ESRRB: variants seen among roughly 807,000 people sequenced by gnomAD.
The protein encoded by ESRRB is steroid hormone receptor ERR2.
ESRRB carries 16 observed loss-of-function variants against 46.0 expected under a neutral mutation model. That is an observed-to-expected ratio of 0.35 (90% CI 0.24 to 0.53). The LOEUF is 0.53. ESRRB is among the 20% of genes least tolerant of loss of function. ESRRB has a pLI of 0.93. For missense variants in ESRRB, 488 were observed against 607.4 expected, an observed-to-expected ratio of 0.80 and a Z score of 2.07; for synonymous variants, 246 against 259.6, an observed-to-expected ratio of 0.95 and a Z score of 0.50.
intron 3 of ESRRB, among the ~76,000 whole-genome samples, chr14:76,465,096 G>A (rs1889050372): frequency 2.0e-5 from 3 of 152,204 alleles, no homozygotes; most frequent in Admixed American, 2.0e-4. Context: ...GGCACTTAGA[G>A]CAGCCAGAAG....
chr14:76,453,345 C>T (rs1459105269), intron 2 of ESRRB, among the ~76,000 whole-genome samples: 1 of 152,170 alleles, frequency 6.6e-6, no homozygotes, highest in Non-Finnish European at 1.5e-5. Context: ...GTTGTCACTG[C>T]ACTCAAACGC....
intron 1 of ESRRB, among the ~76,000 whole-genome samples, chr14:76,413,100 C>A (rs533983178): frequency 6.6e-6 from 1 of 152,320 alleles, no homozygotes; most frequent in East Asian, 1.9e-4. Flanking sequence ...TGAGCGGTGA[C>A]CACCCTACCC....
intron 1 of ESRRB, among the ~76,000 whole-genome samples, chr14:76,357,561 T>G (rs1884397233): frequency 3.3e-5 from 5 of 152,216 alleles, no homozygotes; most frequent in Admixed American, 3.3e-4. Flanking sequence ...CTGCCTAGAC[T>G]GGAGAGCAGA....
chr14:76,312,038 CTT>C (rs58087201), intron 1 of ESRRB, among the ~76,000 whole-genome samples: 16 of 128,128 alleles, frequency 1.2e-4, no homozygotes, highest in Non-Finnish European at 1.7e-4. Flanking sequence ...TTAAATGTAC[CTT>C]TTTTTTTTTT....
intron 1 of ESRRB, among the ~76,000 whole-genome samples, chr14:76,411,249 A>C (rs922912878): frequency 1.3e-5 from 2 of 151,696 alleles, no homozygotes; most frequent in African/African-American, 2.4e-5. Context: ...GGAGTTCAAG[A>C]CCAGCCTGAT....
At chr14:76,383,069 C>T (rs190186336) in intron 1 of ESRRB, among the ~76,000 whole-genome samples, 6 of 152,170 alleles carry the variant, frequency 3.9e-5, no homozygotes, top group East Asian at 1.9e-4. Context: ...TATTTAAAAT[C>T]GTATCAGAGA....
rs139812473 is a variant in ESRRB, at chr14:76,491,547, C to T, written c.951C>T (p.Asp317=). The T allele has an allele frequency of 3.1e-5, 49 of 1,593,368 alleles. No homozygotes were observed. The highest frequency in any genetic ancestry group is 1.8e-4 in the Middle Eastern group (1 of 5,510). ...LGIVYRSLPY[D]DKLVYAEDYI... ...TCGTGTACCGCTCGCTGCCCTATGA[C>T]GACAAGCTGGTGTACGCTGAGGACT... Residue 317 remains aspartate, a synonymous_variant, in exon 6 of 7, where the codon GAC becomes GAT. Transcript: ENST00000644823.
chr14:76,428,179 G>T (rs564224460), intron 1 of ESRRB, among the ~76,000 whole-genome samples: 1 of 151,958 alleles, frequency 6.6e-6, no homozygotes, highest in African/African-American at 2.4e-5. Flanking sequence ...TGTATTTTTC[G>T]TAGAGACGGG....
chr14:76,485,232 G>A (rs1420814951), intron 5 of ESRRB, among the ~76,000 whole-genome samples: 3 of 122,014 alleles, frequency 2.5e-5, no homozygotes, highest in African/African-American at 8.9e-5. Flanking sequence ...TCAAATGCCT[G>A]ATTTTTTTTT....
At chr14:76,371,727 G>C (rs943287362), upstream of ESRRB, 2 of 152,262 alleles carry the variant, frequency 1.3e-5, no homozygotes, top group African/African-American at 4.8e-5. Flanking sequence ...TGGATTTAGA[G>C]AGCATGTGGC....
chr14:76,322,636 A>C (rs1009441982), intron 1 of ESRRB, among the ~76,000 whole-genome samples: 1 of 151,490 alleles, frequency 6.6e-6, no homozygotes. Flanking sequence ...TCCCACCACC[A>C]ATATCATCTT....
chr14:76,334,324 A>G (rs976981844), intron 1 of ESRRB, among the ~76,000 whole-genome samples: 3 of 152,060 alleles, frequency 2.0e-5, no homozygotes, highest in East Asian at 1.9e-4. Context: ...CTCTGGAGAG[A>G]GAACTCTAAG....
chr14:76,362,018 T>C (rs1884470696), intron 1 of ESRRB, among the ~76,000 whole-genome samples: 1 of 152,030 alleles, frequency 6.6e-6, no homozygotes, highest in African/African-American at 2.4e-5. Flanking sequence ...CTGCCCTGAG[T>C]CTGGGGCTGA....
chr14:76,422,616 A>G (rs568925874), intron 1 of ESRRB, among the ~76,000 whole-genome samples: 4 of 152,194 alleles, frequency 2.6e-5, no homozygotes, highest in Non-Finnish European at 5.9e-5. Flanking sequence ...GATTGCTGAG[A>G]TAACAGCACA....
chr14:76,332,989 ATTTACATTATATATATTATATAT>A, intron 1 of ESRRB, among the ~76,000 whole-genome samples: 1 of 38,064 alleles, frequency 2.6e-5, no homozygotes, highest in Non-Finnish European at 4.3e-5. Context: ...TATATTATAT[ATTTACATTATATATATTATATAT>A]TTATATATTA....
At chr14:76,454,940 A>T (rs1888538035) in intron 2 of ESRRB, among the ~76,000 whole-genome samples, 1 of 118,236 alleles carries the variant, frequency 8.5e-6, no homozygotes, top group African/African-American at 3.1e-5. Context: ...CAGGCAGATC[A>T]CCAGGAGTTC....
At chr14:76,314,950 C>G (rs956571595) in intron 1 of ESRRB, among the ~76,000 whole-genome samples, 3 of 152,094 alleles carry the variant, frequency 2.0e-5, no homozygotes, top group African/African-American at 7.2e-5. Context: ...AACACACATC[C>G]TTTTTTCTGC....
At position 76,444,413 on chromosome 14, in the gene ESRRB, G is replaced by A. The variant is rs80069262; in HGVS notation, c.460+4663G>A. On this transcript the variant is annotated intron_variant, in intron 2 of 6. Transcript: ENST00000644823. ...GTACAGACAGGAGAAAAATGACCTA[G>A]AATTGGACAACCACAGAGACAAACT... is the stretch of plus-strand genomic sequence containing the variant. 8.0e-3 allele frequency among the ~76,000 whole-genome samples: 1,213 copies of A among 152,254 alleles called. 15 individuals carry two copies. Among genetic ancestry groups the A allele is most frequent in the African/African-American group, 0.027 (1,134 of 41,554 alleles).
At chr14:76,337,938 T>A (rs1412284128) in intron 1 of ESRRB, among the ~76,000 whole-genome samples, 1 of 152,218 alleles carries the variant, frequency 6.6e-6, no homozygotes, top group Non-Finnish European at 1.5e-5. Flanking sequence ...CATGCAAGCT[T>A]ACATCGCCTC....
Sources: gnomAD v4.1 joint callset for allele counts (sites outside exome capture counted in the v4.1 genomes callset) on GRCh38, gnomAD v4.1.1 for gene constraint, MANE v1.5 for transcripts, NCBI Gene and HGNC (gene_info 2026-07-23, HGNC 2026-07-21) for gene names.